The following KIAA1217 variants were observed in gnomAD, a reference collection of about 807,000 sequenced individuals.
The protein encoded by KIAA1217 is KIAA1217, also known as sickle tail protein homolog.
Under a neutral mutation model 163.9 loss-of-function variants are expected in KIAA1217, and 88 were observed. The observed-to-expected ratio is 0.54, with a 90% CI of 0.45 to 0.64. KIAA1217 has a LOEUF of 0.64. Ranked by LOEUF, KIAA1217 falls within the 30% of genes least tolerant of loss-of-function variation. KIAA1217 has a pLI of 0.00. For synonymous variants in KIAA1217, 903 were observed against 923.1 expected (o/e 0.98, Z 0.39); for missense variants, 2,372 against 2,475.0 (o/e 0.96, Z 0.88).
chr10:24,189,664 T>C (rs1437408540), intron 2 of KIAA1217, among the ~76,000 whole-genome samples: 1 of 152,196 alleles, frequency 6.6e-6, no homozygotes, highest in East Asian at 1.9e-4. Flanking sequence ...TCCAAAGACC[T>C]AGGGAAGACT....
chr10:24,303,006 A>G (rs1241605843), intron 2 of KIAA1217, among the ~76,000 whole-genome samples: 2 of 152,018 alleles, frequency 1.3e-5, no homozygotes, highest in Non-Finnish European at 2.9e-5. Flanking sequence ...AGTAAGAGGG[A>G]AAATCATTGG....
chr10:23,850,544 G>A (rs1247112132), intron 1 of KIAA1217, among the ~76,000 whole-genome samples: 1 of 152,048 alleles, frequency 6.6e-6, no homozygotes, highest in Non-Finnish European at 1.5e-5. Context: ...ACCTTTGTGG[G>A]CCCAGTACCA....
At chr10:24,067,709 G>T (rs1480527644) in intron 2 of KIAA1217, among the ~76,000 whole-genome samples, 1 of 152,248 alleles carries the variant, frequency 6.6e-6, no homozygotes, top group Non-Finnish European at 1.5e-5. Context: ...GGTTATTGCT[G>T]TCTTTTGTTT....
intron 2 of KIAA1217, among the ~76,000 whole-genome samples, chr10:24,187,553 C>T (rs2066497276): frequency 6.6e-6 from 1 of 152,190 alleles, no homozygotes; most frequent in African/African-American, 2.4e-5. Context: ...AGGGGGTGGG[C>T]CTCCTGCATT....
At chr10:24,536,407 AAAAG>A (rs925945729) in intron 16 of KIAA1217, among the ~76,000 whole-genome samples, 10 of 152,234 alleles carry the variant, frequency 6.6e-5, no homozygotes, top group African/African-American at 2.2e-4. Flanking sequence ...AGAGGAATAA[AAAAG>A]AAAGATAGTT....
intron 2 of KIAA1217, among the ~76,000 whole-genome samples, chr10:24,316,729 C>G (rs2043425817): frequency 6.9e-6 from 1 of 144,508 alleles, no homozygotes; most frequent in Non-Finnish European, 1.6e-5. Flanking sequence ...TCCAAGGTGT[C>G]ACCATTTGTA....
At chr10:24,455,224 G>A (rs1368129505) in intron 5 of KIAA1217, among the ~76,000 whole-genome samples, 1 of 152,074 alleles carries the variant, frequency 6.6e-6, no homozygotes, top group East Asian at 1.9e-4. Flanking sequence ...AGTCAGATGT[G>A]GAATTTTGAT....
chr10:24,056,556 A>G (rs529679106), intron 2 of KIAA1217, among the ~76,000 whole-genome samples: 1 of 152,290 alleles, frequency 6.6e-6, no homozygotes, highest in East Asian at 1.9e-4. Flanking sequence ...ATGCTATTTA[A>G]TTTTTCCAGT....
In KIAA1217 at chr10:23,764,649, A is replaced by G. The variant is rs1180262752; in HGVS notation, c.-321+69415A>G. 2.6e-5 allele frequency among the ~76,000 whole-genome samples: 4 copies of G among 152,338 alleles called. No homozygotes were observed. The East Asian group carries it at 5.8e-4, about 22-fold the overall frequency. ...ATGAGATCATGTCCTTTGCAGGGAC[A>G]TGGATGAAGCTGGAAGCCATCATCC... On this transcript the variant is annotated intron_variant, in intron 1 of 18. Transcript: ENST00000376462.
At chr10:23,768,821 G>A (rs1253275961) in intron 1 of KIAA1217, among the ~76,000 whole-genome samples, 1 of 152,116 alleles carries the variant, frequency 6.6e-6, no homozygotes, top group Admixed American at 6.5e-5. Context: ...GGAATGCTTG[G>A]AGCTATGGAT....
At chr10:23,760,481 A>G (rs1357316605) in intron 1 of KIAA1217, among the ~76,000 whole-genome samples, 4 of 152,242 alleles carry the variant, frequency 2.6e-5, no homozygotes, top group African/African-American at 9.6e-5. Context: ...GCAAAGCAGG[A>G]GGGACTGGAG....
chr10:23,721,635 A>G (rs1837877491), intron 1 of KIAA1217, among the ~76,000 whole-genome samples: 1 of 152,082 alleles, frequency 6.6e-6, no homozygotes, highest in Non-Finnish European at 1.5e-5. Flanking sequence ...GTCTCTGAGT[A>G]TGGTTACCTT....
intron 1 of KIAA1217, among the ~76,000 whole-genome samples, chr10:23,708,570 G>A (rs1588637824): frequency 2.0e-5 from 3 of 152,124 alleles, no homozygotes; most frequent in Non-Finnish European, 4.4e-5. Context: ...GGAAGAGAGA[G>A]GGCAAGATGC....
chr10:24,388,781 T>G (rs2054402370), intron 3 of KIAA1217, among the ~76,000 whole-genome samples: 3 of 151,932 alleles, frequency 2.0e-5, no homozygotes, highest in Non-Finnish European at 4.4e-5. Flanking sequence ...AAGACATTTA[T>G]GCATCCAACA....
In KIAA1217 at chr10:23,892,071, TA is replaced by T. The variant is rs764893615; in HGVS notation, c.-320-115149del. ...ATTTACAGATAAATATGAATGGTGA[TA>T]AAAATAAAAATAACACACACTATAT... On this transcript the variant is annotated intron_variant, in intron 1 of 18. Coordinates refer to the KIAA1217 transcript ENST00000376462. Among the ~76,000 whole-genome samples, 3 of 152,054 alleles carry T rather than the reference TA, an allele frequency of 2.0e-5. No individual in the cohort carries two copies. The South Asian group carries it at 6.2e-4, about 31-fold the overall frequency.
rs147023043 is a variant in KIAA1217 at position 24,015,022 on chromosome 10, A to T, written c.-171+7648A>T. 3.9e-5 allele frequency among the ~76,000 whole-genome samples: 6 copies of T among 152,254 alleles called. No individual in the cohort carries two copies. The East Asian group carries it at 1.2e-3, about 29-fold the overall frequency. The stretch of plus-strand genomic sequence containing the variant: ...CTTGGTAGAGTAAATGTTGGCCCTA[A>T]AAAAGCATGTAGTTATCAAAATTGT... On this transcript the variant is annotated intron_variant, in intron 2 of 18. Coordinates refer to the KIAA1217 transcript ENST00000376462.
At chr10:24,178,491 T>C (rs2066013171) in intron 2 of KIAA1217, among the ~76,000 whole-genome samples, 1 of 152,222 alleles carries the variant, frequency 6.6e-6, no homozygotes, top group South Asian at 2.1e-4. Flanking sequence ...TTCTGGACTT[T>C]TCCTTTGTAA....
At chr10:24,325,775 A>G (rs1450023117) in intron 2 of KIAA1217, among the ~76,000 whole-genome samples, 1 of 152,220 alleles carries the variant, frequency 6.6e-6, no homozygotes, top group Non-Finnish European at 1.5e-5. Flanking sequence ...CATGTATGAA[A>G]TGTACATACA....
chr10:23,840,375 G>A lies in KIAA1217; in HGVS notation c.-321+145141G>A, dbSNP rs987051189. Among the ~76,000 whole-genome samples the A allele has an allele frequency of 4.6e-4, 70 of 152,058 alleles. 1 individual carries two copies. The highest frequency in any genetic ancestry group is 1.6e-3 in the African/African-American group (66 of 41,486). ...TTCACCATGTTGGCCAGGCTGTCTCGAACTCCTGACCTCAGGTGATCCACC... is the reference window on the plus strand; with the variant it reads ...TTCACCATGTTGGCCAGGCTGTCTCAAACTCCTGACCTCAGGTGATCCACC... On this transcript the variant is annotated intron_variant, in intron 1 of 18. Transcript: ENST00000376462.
Sources: gnomAD v4.1 joint callset for allele counts (sites outside exome capture counted in the v4.1 genomes callset) on GRCh38, gnomAD v4.1.1 for gene constraint, MANE v1.5 for transcripts, NCBI Gene and HGNC (gene_info 2026-07-23, HGNC 2026-07-21) for gene names.